Variants in OPCML observed in about 807,000 individuals in gnomAD.
The protein encoded by OPCML is opioid binding protein/cell adhesion molecule like, also known as opioid-binding protein/cell adhesion molecule.
A neutral mutation model predicts 37.8 loss-of-function variants in OPCML; 13 were observed. The ratio of observed to expected loss-of-function variants is 0.34; its 90% confidence interval spans 0.22 to 0.55. OPCML has a LOEUF of 0.55. Among genes scored for constraint, OPCML ranks in the 20% least tolerant of loss-of-function variants. OPCML has a pLI of 0.91. For missense variants in OPCML, 341 were observed against 435.6 expected (o/e 0.78, Z 1.93); for synonymous variants, 176 against 168.8 (o/e 1.04, Z -0.33).
At position 132,420,098 on chromosome 11, in the gene OPCML, C is replaced by A. The variant is rs1257812150; in HGVS notation, c.*95G>T. On this transcript the variant is annotated 3_prime_UTR_variant, in exon 8 of 8. Transcript: ENST00000524381. Reference sequence around the variant, plus strand: ...ACAAATCTAGAATAACAGAAAAAAACAAAAAGAAGCCCAAGCTGGTTTGCT... The same window carrying A: ...ACAAATCTAGAATAACAGAAAAAAAAAAAAAGAAGCCCAAGCTGGTTTGCT... The A allele has an allele frequency of 4.9e-4, 408 of 825,954 alleles. No homozygotes were observed. The highest frequency in any genetic ancestry group is 2.8e-3 in the South Asian group (98 of 34,704). 51.2% of individuals were successfully genotyped at this position (825,954 alleles called of 1,614,324 possible). A position where few individuals can be genotyped will look rare whatever the true frequency, so the allele number is the denominator to read the frequency against.
chr11:132,750,593 G>T (rs1945798615), intron 2 of OPCML, among the ~76,000 whole-genome samples: 1 of 152,164 alleles, frequency 6.6e-6, no homozygotes, highest in Admixed American at 6.5e-5. Flanking sequence ...AAAGATAGGA[G>T]ATCTGAAGAT....
intron 2 of OPCML, among the ~76,000 whole-genome samples, chr11:132,804,903 G>A (rs1938906466): frequency 6.6e-6 from 1 of 152,134 alleles, no homozygotes; most frequent in Admixed American, 6.5e-5. Flanking sequence ...AGAAAACTGT[G>A]ATCTAGCCTT....
chr11:132,462,962 C>T (rs1471494076), intron 4 of OPCML, among the ~76,000 whole-genome samples: 1 of 152,202 alleles, frequency 6.6e-6, no homozygotes, highest in African/African-American at 2.4e-5. Flanking sequence ...CATGACCACT[C>T]TGCACCTGCT....
chr11:132,965,687 C>G (rs1946198339), intron 1 of OPCML, among the ~76,000 whole-genome samples: 1 of 152,074 alleles, frequency 6.6e-6, no homozygotes, highest in Non-Finnish European at 1.5e-5. Flanking sequence ...CAAGGGCCAC[C>G]ACGCCCAGCT....
chr11:133,241,109 C>T (rs939701418), intron 1 of OPCML, among the ~76,000 whole-genome samples: 7 of 152,200 alleles, frequency 4.6e-5, no homozygotes, highest in African/African-American at 1.4e-4. Context: ...GCATGTCTGA[C>T]GTCATTTACT....
intron 3 of OPCML, among the ~76,000 whole-genome samples, chr11:132,573,786 G>T (rs2096443740): frequency 6.6e-6 from 1 of 151,926 alleles, no homozygotes; most frequent in South Asian, 2.1e-4. Context: ...TAATTTTTTA[G>T]AAGAGTTTGA....
intron 1 of OPCML, among the ~76,000 whole-genome samples, chr11:133,413,200 C>A (rs539728105): frequency 6.6e-6 from 1 of 152,088 alleles, no homozygotes; most frequent in South Asian, 2.1e-4. Flanking sequence ...GCTCTGGAGA[C>A]TTTGGAGAAG....
rs999741342 is a variant in OPCML, at chr11:132,575,523, A to G, written c.380-46337T>C. Among the ~76,000 whole-genome samples, 7 of 152,126 alleles carry G rather than the reference A, an allele frequency of 4.6e-5. No individual in the cohort carries two copies. In the East Asian group the frequency reaches 1.2e-3, roughly 25 times the overall value. On this transcript the variant is annotated intron_variant, in intron 3 of 7. Coordinates refer to ENST00000524381, the MANE Select transcript of OPCML (RefSeq NM_001012393.5). ...GTTTAATGACATGTAAAAACTCTGC[A>G]CTTTAACTTCTCCCCCCACACTTTG... is the stretch of plus-strand genomic sequence containing the variant.
At chr11:132,914,199 A>G (rs998069794) in intron 2 of OPCML, among the ~76,000 whole-genome samples, 6 of 152,180 alleles carry the variant, frequency 3.9e-5, no homozygotes, top group East Asian at 3.9e-4. Flanking sequence ...CTCTCCCTCT[A>G]TGGGCAAAGA....
chr11:132,825,594 TG>T (rs1940262810), intron 2 of OPCML, among the ~76,000 whole-genome samples: 1 of 152,222 alleles, frequency 6.6e-6, no homozygotes, highest in Admixed American at 6.5e-5. Flanking sequence ...ATTCAATAAA[TG>T]GCCTTTCTTC....
chr11:133,461,297 G>A (rs775660491), intron 1 of OPCML, among the ~76,000 whole-genome samples: 6 of 151,764 alleles, frequency 4.0e-5, no homozygotes, highest in African/African-American at 7.2e-5. Context: ...TTTGGTTGTC[G>A]ATGACACCAT....
intron 7 of OPCML, among the ~76,000 whole-genome samples, chr11:132,432,020 A>C (rs2136708890): frequency 6.6e-6 from 1 of 152,338 alleles, no homozygotes; most frequent in Non-Finnish European, 1.5e-5. Flanking sequence ...CCATTTGGAA[A>C]GTCACCATGT....
Position 133,006,565 on chromosome 11 carries a change from T to C in OPCML, c.62-63555A>G, listed in dbSNP as rs185172086. 2.4e-3 allele frequency: 2,355 copies of C among 985,424 alleles called. 2 individuals are homozygous for C. Among genetic ancestry groups the C allele is most frequent in the Admixed American group, 3.6e-3 (59 of 16,290 alleles). The allele number at this position is 985,424 out of a possible 1,614,324, so 61.0% of individuals were successfully genotyped here. Reference sequence around the variant, plus strand: ...CTCGGGAACTTTGCACAAATTTTGCTATAGGGTGCTGTTGAAAGTTGAAAG... The same window carrying C: ...CTCGGGAACTTTGCACAAATTTTGCCATAGGGTGCTGTTGAAAGTTGAAAG... On this transcript the variant is annotated intron_variant, in intron 1 of 7. Coordinates refer to ENST00000524381, the MANE Select transcript of OPCML (RefSeq NM_001012393.5).
intron 3 of OPCML, among the ~76,000 whole-genome samples, chr11:132,583,114 A>G (rs147381503): frequency 9.9e-4 from 151 of 151,832 alleles, no homozygotes; most frequent in African/African-American, 3.4e-3. Flanking sequence ...GAGTGCAGTG[A>G]CAGGATCACA....
chr11:133,229,887 TTG>T (rs200689918), intron 1 of OPCML, among the ~76,000 whole-genome samples: 1 of 152,194 alleles, frequency 6.6e-6, no homozygotes, highest in South Asian at 2.1e-4. Flanking sequence ...TTCAGTTTTA[TTG>T]TGTGTGTGTG....
chr11:132,484,568 G>A (rs1439642220), intron 4 of OPCML, among the ~76,000 whole-genome samples: 9 of 152,144 alleles, frequency 5.9e-5, no homozygotes, highest in Non-Finnish European at 1.2e-4. Context: ...CCATTACTGG[G>A]TATATACCCA....
At chr11:133,504,407 G>A (rs1947983943) in intron 1 of OPCML, among the ~76,000 whole-genome samples, 1 of 152,212 alleles carries the variant, frequency 6.6e-6, no homozygotes, top group Non-Finnish European at 1.5e-5. Flanking sequence ...TGCTGACCCT[G>A]TCTTCAAGGA....
chr11:132,907,074 G>A (rs538343541), intron 2 of OPCML, among the ~76,000 whole-genome samples: 1 of 152,192 alleles, frequency 6.6e-6, no homozygotes, highest in African/African-American at 2.4e-5. Context: ...AGATTTTCCT[G>A]CTTACAATTC....
chr11:132,708,769 A>T (rs1477761658), intron 2 of OPCML, among the ~76,000 whole-genome samples: 1 of 152,226 alleles, frequency 6.6e-6, no homozygotes, highest in Non-Finnish European at 1.5e-5. Context: ...GCAGTTGCAG[A>T]TAGCTCTAAA....
Sources: allele counts gnomAD v4.1 joint callset (sites outside exome capture counted in the v4.1 genomes callset), GRCh38; gene constraint gnomAD v4.1.1; transcripts MANE v1.5; gene names NCBI Gene and HGNC (gene_info 2026-07-23, HGNC 2026-07-21).